GDAP1: variants seen among roughly 807,000 people sequenced by gnomAD.
GDAP1 encodes ganglioside-induced differentiation-associated protein 1.
Under a neutral mutation model 40.1 loss-of-function variants are expected in GDAP1, and 34 were observed. The observed-to-expected ratio is 0.85, with a 90% confidence interval of 0.64 to 1.13. GDAP1 has a LOEUF of 1.13. Ranked by LOEUF, GDAP1 falls within the 50% of genes most tolerant of loss-of-function variation. The pLI is 0.00. For missense variants in GDAP1, 374 were observed against 433.7 expected (o/e 0.86, Z 1.22); for synonymous variants, 170 against 157.4 (o/e 1.08, Z -0.60).
At chr8:74,397,830 G>C (rs1282139672) in intron 2 of GDAP1, among the ~76,000 whole-genome samples, 1 of 151,836 alleles carries the variant, frequency 6.6e-6, no homozygotes, top group African/African-American at 2.4e-5. Context: ...GATTGACTTG[G>C]CGATGCGGGC....
At chr8:74,433,973 T>C (rs1296708042) in intron 2 of GDAP1, among the ~76,000 whole-genome samples, 1 of 152,262 alleles carries the variant, frequency 6.6e-6, no homozygotes, top group African/African-American at 2.4e-5. Flanking sequence ...CTAGTAGTTC[T>C]GCATTTGGAA....
At chr8:74,422,603 C>G (rs576062690) in intron 2 of GDAP1, among the ~76,000 whole-genome samples, 10 of 150,444 alleles carry the variant, frequency 6.6e-5, no homozygotes, top group Admixed American at 2.0e-4. Context: ...GTGTCAGGGT[C>G]TTTGAACCGT....
chr8:74,402,458 AC>A (rs1330980324), intron 2 of GDAP1, among the ~76,000 whole-genome samples: 1 of 150,068 alleles, frequency 6.7e-6, no homozygotes, highest in Admixed American at 6.6e-5. Context: ...GCCGTCTGTC[AC>A]CCCTTTCTTT....
chr8:74,457,104 T>C (rs922267113), intron 2 of GDAP1, among the ~76,000 whole-genome samples: 14 of 152,088 alleles, frequency 9.2e-5, no homozygotes, highest in African/African-American at 3.4e-4. Flanking sequence ...GTAATTCTTT[T>C]TATGTCTAAA....
At chr8:74,464,996 G>T (rs1328533419) in intron 2 of GDAP1, among the ~76,000 whole-genome samples, 1 of 152,136 alleles carries the variant, frequency 6.6e-6, no homozygotes, top group African/African-American at 2.4e-5. Flanking sequence ...AAGGCGGGTA[G>T]ATTGCTTGAG....
chr8:74,460,877 T>A (rs184445690), intron 2 of GDAP1, among the ~76,000 whole-genome samples: 104 of 152,072 alleles, frequency 6.8e-4, no homozygotes, highest in Non-Finnish European at 1.1e-3. Flanking sequence ...AGGAAGAGAA[T>A]TAGAATAGCA....
At chr8:74,464,810 C>A (rs1389600233) in intron 2 of GDAP1, among the ~76,000 whole-genome samples, 1 of 152,116 alleles carries the variant, frequency 6.6e-6, no homozygotes, top group African/African-American at 2.4e-5. Flanking sequence ...ATATTCAAAC[C>A]TAAATACCTG....
At chr8:74,354,289 T>G (rs919390215) in intron 2 of GDAP1, among the ~76,000 whole-genome samples, 2 of 152,202 alleles carry the variant, frequency 1.3e-5, no homozygotes, top group African/African-American at 4.8e-5. Context: ...CCCCAATGCC[T>G]TATACAGTGA....
At chr8:74,398,945 G>C (rs572506975) in intron 2 of GDAP1, among the ~76,000 whole-genome samples, 1 of 152,168 alleles carries the variant, frequency 6.6e-6, no homozygotes, top group South Asian at 2.1e-4. Context: ...GCTGGATTTG[G>C]TTTGCCAGTA....
At chr8:74,353,462 G>A (rs1466322235) in intron 2 of GDAP1, among the ~76,000 whole-genome samples, 4 of 152,144 alleles carry the variant, frequency 2.6e-5, no homozygotes, top group Non-Finnish European at 4.4e-5. Context: ...ATAAATCGAG[G>A]TCAAGAAGAA....
Position 74,366,273 on chromosome 8 carries a change from C to T in GDAP1, c.*1906C>T. Reference sequence around the variant, plus strand: ...CTTTTAAGGTGTTTGTTTAGGGATACAATGACCACTAGATGTCGCTGTTTA... The same window carrying T: ...CTTTTAAGGTGTTTGTTTAGGGATATAATGACCACTAGATGTCGCTGTTTA... On this transcript the variant is annotated 3_prime_UTR_variant, in exon 6 of 6. Coordinates refer to ENST00000220822, the MANE Select transcript of GDAP1 (RefSeq NM_018972.4). 1 of 454,392 alleles carries T rather than the reference C, an allele frequency of 2.2e-6. No individual in the cohort carries two copies. The highest frequency in any genetic ancestry group is 2.0e-5 in the African/African-American group (1 of 50,116). The allele number at this position is 454,392 out of a possible 1,614,324, so 28.1% of individuals were successfully genotyped here. A position where few individuals can be genotyped will look rare whatever the true frequency, so the allele number is the denominator to read the frequency against.
chr8:74,372,640 G>A (rs1290257207), intron 2 of GDAP1, among the ~76,000 whole-genome samples: 6 of 152,120 alleles, frequency 3.9e-5, no homozygotes, highest in South Asian at 4.2e-4. Context: ...AAATTTGTTT[G>A]AGTTCTTTGT....
chr8:74,461,765 A>T (rs879904166), intron 2 of GDAP1, among the ~76,000 whole-genome samples: 1 of 152,062 alleles, frequency 6.6e-6, no homozygotes, highest in Non-Finnish European at 1.5e-5. Context: ...TGTCAAATGA[A>T]TTTTTCCTGT....
At chr8:74,459,955 T>C (rs1482392643) in intron 2 of GDAP1, among the ~76,000 whole-genome samples, 1 of 152,238 alleles carries the variant, frequency 6.6e-6, no homozygotes, top group Non-Finnish European at 1.5e-5. Context: ...ATGCAATATG[T>C]GCAGGAGCTT....
At chr8:74,426,053 T>C (rs1362870019) in intron 2 of GDAP1, among the ~76,000 whole-genome samples, 1 of 152,214 alleles carries the variant, frequency 6.6e-6, no homozygotes, top group African/African-American at 2.4e-5. Context: ...CTAGTTCTGC[T>C]AGCTTAGATA....
downstream of GDAP1, among the ~76,000 whole-genome samples, chr8:74,371,520 C>T (rs964242644): frequency 2.6e-5 from 4 of 151,740 alleles, no homozygotes; most frequent in African/African-American, 7.3e-5. Flanking sequence ...ATTAGCCGGG[C>T]GTGGTAGCGG....
At chr8:74,421,285 A>C (rs1805854630) in intron 2 of GDAP1, among the ~76,000 whole-genome samples, 2 of 152,198 alleles carry the variant, frequency 1.3e-5, no homozygotes, top group African/African-American at 2.4e-5. Context: ...CCAGGTTGTC[A>C]ACACTCAAAG....
At chr8:74,470,248 C>T (rs888438055) in intron 2 of GDAP1, among the ~76,000 whole-genome samples, 7 of 152,096 alleles carry the variant, frequency 4.6e-5, no homozygotes, top group African/African-American at 1.7e-4. Context: ...CTCTCCTTTG[C>T]CTGCTTTTAT....
At chr8:74,486,866 T>G (rs142801375) in intron 2 of GDAP1, among the ~76,000 whole-genome samples, 1 of 152,308 alleles carries the variant, frequency 6.6e-6, no homozygotes, top group Non-Finnish European at 1.5e-5. Flanking sequence ...ACTTTCTTGA[T>G]GTTTTTCATT....
Sources: allele counts gnomAD v4.1 joint callset (sites outside exome capture counted in the v4.1 genomes callset), GRCh38; gene constraint gnomAD v4.1.1; transcripts MANE v1.5; gene names NCBI Gene and HGNC (gene_info 2026-07-23, HGNC 2026-07-21).